KHDC1: variants seen among roughly 807,000 people sequenced by gnomAD.
KHDC1 encodes KH homology domain-containing protein 1.
A neutral mutation model predicts 24.7 loss-of-function variants in KHDC1; 21 were observed. The observed-to-expected ratio is 0.85, with a 90% CI of 0.60 to 1.23. The LOEUF is 1.23. KHDC1 is among the 50% of genes most tolerant of loss of function. KHDC1 has a pLI of 0.00. For missense variants in KHDC1, 274 were observed against 298.5 expected (o/e 0.92, Z 0.61); for synonymous variants, 98 against 111.7 (o/e 0.88, Z 0.77).
intron 2 of KHDC1, among the ~76,000 whole-genome samples, chr6:73,288,081 A>G (rs924789472): frequency 2.0e-5 from 3 of 152,186 alleles, no homozygotes; most frequent in Non-Finnish European, 4.4e-5. Flanking sequence ...GACCTAAAGG[A>G]TAGAGTTAGT....
At chr6:73,271,012 TTC>T (rs1161707364) in intron 2 of KHDC1, among the ~76,000 whole-genome samples, 1 of 151,964 alleles carries the variant, frequency 6.6e-6, no homozygotes, top group Non-Finnish European at 1.5e-5. Context: ...TCTTTGTACA[TTC>T]TGTTAATATT....
exon 4 of KHDC1, chr6:73,242,159 G>C (rs150130213): frequency 1.2e-6 from 2 of 1,614,172 alleles, no homozygotes; most frequent in Non-Finnish European, 1.7e-6. Flanking sequence ...AGTCTGGCCT[G>C]TAGCTGTGAA....
intron 2 of KHDC1, among the ~76,000 whole-genome samples, chr6:73,250,722 G>C (rs535754195): frequency 6.6e-6 from 1 of 152,222 alleles, no homozygotes; most frequent in Non-Finnish European, 1.5e-5. Flanking sequence ...TCTCCAAGGA[G>C]GGACAATGAA....
intron 2 of KHDC1, among the ~76,000 whole-genome samples, chr6:73,243,539 ACT>A (rs1350563853): frequency 6.6e-6 from 1 of 152,200 alleles, no homozygotes; most frequent in Non-Finnish European, 1.5e-5. Flanking sequence ...ATATATAATG[ACT>A]CTACAGTAGC....
chr6:73,296,078 G>T (rs1293389480), intron 1 of KHDC1, among the ~76,000 whole-genome samples: 2 of 151,892 alleles, frequency 1.3e-5, no homozygotes. Context: ...GGAGGCGGAG[G>T]TTGCAGTGAG....
intron 2 of KHDC1, chr6:73,263,081 C>T: frequency 9.7e-7 from 1 of 1,031,250 alleles, no homozygotes. Context: ...GCGGCGGCAG[C>T]GGCTGCAGGC....
Position 73,263,302 on chromosome 6 carries a change from G to C in KHDC1, c.207-20772C>G, listed in dbSNP as rs114047968. 2.2e-3 allele frequency: 2,195 copies of C among 984,728 alleles called. 34 individuals carry two copies. In the African/African-American group the frequency reaches 0.035, roughly 16 times the overall value. 61.0% of individuals were successfully genotyped at this position (984,728 alleles called of 1,614,324 possible). On this transcript the variant is annotated intron_variant, in intron 2 of 4. Transcript: ENST00000370384. ...ACAGCCTGCGGAGCCCACTGCCGGC[G>C]CGCAGAGAGCCCAGCAGCTCTTGAG...
At chr6:73,248,347 G>A (rs1766710750) in intron 2 of KHDC1, among the ~76,000 whole-genome samples, 1 of 151,410 alleles carries the variant, frequency 6.6e-6, no homozygotes, top group Admixed American at 6.6e-5. Flanking sequence ...TTAATCCGAT[G>A]TTCCACTTCT....
intron 2 of KHDC1, among the ~76,000 whole-genome samples, chr6:73,263,615 G>GC (rs965149472): frequency 1.3e-5 from 2 of 151,016 alleles, no homozygotes; most frequent in African/African-American, 4.9e-5. Flanking sequence ...TCGCGGTGGG[G>GC]GGGGGGGTGA....
chr6:73,255,872 A>G (rs1368348792), intron 2 of KHDC1, among the ~76,000 whole-genome samples: 1 of 149,220 alleles, frequency 6.7e-6, no homozygotes. Flanking sequence ...ACTGCACTCC[A>G]GCCTGGGTGA....
At chr6:73,275,135 C>A (rs2150632974) in intron 2 of KHDC1, 1 of 152,368 alleles carries the variant, frequency 6.6e-6, no homozygotes, top group Middle Eastern at 3.4e-3. Context: ...GGCAGATCAC[C>A]TGAGGTTGGG....
chr6:73,279,005 A>G (rs370696214), intron 2 of KHDC1, among the ~76,000 whole-genome samples: 1 of 152,234 alleles, frequency 6.6e-6, no homozygotes. Context: ...GTATTCTTCT[A>G]CTACTGAGAC....
In KHDC1 at chr6:73,309,752, G is replaced by C. The variant is rs1018496992; in HGVS notation, c.-38C>G. 6.5e-6 allele frequency: 10 copies of C among 1,547,946 alleles called. No homozygotes were observed. The African/African-American group carries it at 1.1e-4, about 17-fold the overall frequency. ...GCCTGGGAAAGTAAGGGTGCGCTAA[G>C]GCACGAGTAGTACAGCTCCTCCCGC... On this transcript the variant is annotated 5_prime_UTR_variant, in exon 1 of 5. Transcript: ENST00000370384.
intron 2 of KHDC1, among the ~76,000 whole-genome samples, chr6:73,271,084 G>A (rs996007132): frequency 3.9e-5 from 6 of 152,154 alleles, no homozygotes; most frequent in Admixed American, 3.3e-4. Context: ...TCACCCATTA[G>A]AGAATGGTGA....
At chr6:73,258,266 A>G (rs1766916693) in intron 2 of KHDC1, among the ~76,000 whole-genome samples, 1 of 152,104 alleles carries the variant, frequency 6.6e-6, no homozygotes, top group Admixed American at 6.6e-5. Flanking sequence ...AAATAAATAA[A>G]TAAGTAAGTA....
chr6:73,280,946 C>T (rs1428588001), intron 2 of KHDC1, among the ~76,000 whole-genome samples: 4 of 152,084 alleles, frequency 2.6e-5, no homozygotes, highest in Admixed American at 1.3e-4. Context: ...TGGTGGCTTA[C>T]GCCTGTAATC....
chr6:73,285,640 C>CTTTTTT (rs67918543), intron 2 of KHDC1, among the ~76,000 whole-genome samples: 1 of 140,298 alleles, frequency 7.1e-6, no homozygotes, highest in Non-Finnish European at 1.5e-5. Context: ...GGCCCATTTT[C>CTTTTTT]TTTTTTTTCT....
intron 2 of KHDC1, among the ~76,000 whole-genome samples, chr6:73,249,918 T>C (rs943655650): frequency 6.6e-6 from 1 of 152,126 alleles, no homozygotes; most frequent in Non-Finnish European, 1.5e-5. Flanking sequence ...CCCAGCCTGA[T>C]GGTAGAGTAC....
chr6:73,241,717 G>A, exon 5 of KHDC1: 2 of 1,614,134 alleles, frequency 1.2e-6, no homozygotes, highest in Non-Finnish European at 8.5e-7. Flanking sequence ...ACACGTTCCA[G>A]CATCTCCAGG....
Sources: gnomAD v4.1 joint callset for allele counts (sites outside exome capture counted in the v4.1 genomes callset) on GRCh38, gnomAD v4.1.1 for gene constraint, MANE v1.5 for transcripts, NCBI Gene and HGNC (gene_info 2026-07-23, HGNC 2026-07-21) for gene names.